ORC2: variants seen among roughly 807,000 people sequenced by gnomAD.
ORC2 encodes the protein origin recognition complex subunit 2, also known as origin recognition complex protein 2 homolog.
Under a neutral mutation model 77.7 loss-of-function variants are expected in ORC2, and 37 were observed. The ratio of observed to expected loss-of-function variants is 0.48; its 90% CI spans 0.37 to 0.63. The LOEUF is 0.63. Ranked by LOEUF, ORC2 falls within the 20% of genes least tolerant of loss-of-function variation. ORC2 has a pLI of 0.00. For synonymous variants in ORC2, 201 were observed against 229.5 expected (o/e 0.88, Z 1.12); for missense variants, 557 against 661.9 (o/e 0.84, Z 1.74).
chr2:200,963,492 C>T lies in ORC2; in HGVS notation c.-62G>A. 2.5e-6 allele frequency: 1 copy of T among 398,706 alleles called. No homozygotes were observed. The allele number at this position is 398,706 out of a possible 1,614,324, so 24.7% of individuals were successfully genotyped here. A position where few individuals can be genotyped will look rare whatever the true frequency, so the allele number is the denominator to read the frequency against. On this transcript the variant is annotated splice_region_variant and 5_prime_UTR_variant, in exon 1 of 18. Transcript: ENST00000234296. Reference sequence around the variant, plus strand: ...TGCCCCGACACCCCACTACTCACCGCTAGGTTTCCGTCTGGCGCCGATCCG... The same window carrying T: ...TGCCCCGACACCCCACTACTCACCGTTAGGTTTCCGTCTGGCGCCGATCCG...
At chr2:200,950,429 T>C (rs1416527041) in intron 4 of ORC2, among the ~76,000 whole-genome samples, 1 of 152,238 alleles carries the variant, frequency 6.6e-6, no homozygotes, top group Admixed American at 6.5e-5. Flanking sequence ...CATTCATTTC[T>C]AGTATCCTAC....
In ORC2 at chr2:200,950,176, A is replaced by T. The variant is rs2041325915; in HGVS notation, c.239-533T>A. Among the ~76,000 whole-genome samples, 4 of 152,120 alleles carry T rather than the reference A, an allele frequency of 2.6e-5. No individual in the cohort carries two copies. The South Asian group carries it at 8.3e-4, about 32-fold the overall frequency. On this transcript the variant is annotated intron_variant, in intron 4 of 17. Coordinates refer to ENST00000234296, the MANE Select transcript of ORC2 (RefSeq NM_006190.5). Reference sequence around the variant, plus strand: ...GAAACCTCGTCTCTACTGAAAATACAAAAAATTAGCCGGGCATGGGGGCAC... The same window carrying T: ...GAAACCTCGTCTCTACTGAAAATACTAAAAATTAGCCGGGCATGGGGGCAC...
intron 16 of ORC2, chr2:200,913,665 G>A: frequency 7.5e-7 from 1 of 1,329,614 alleles, no homozygotes; most frequent in African/African-American, 1.5e-5. Context: ...TGAAAAATAT[G>A]TACTTGGCAG....
chr2:200,954,271 C>A (rs535615808), intron 4 of ORC2, among the ~76,000 whole-genome samples: 92 of 152,152 alleles, frequency 6.0e-4, no homozygotes, highest in Non-Finnish European at 8.5e-4. Context: ...CGTCCTCAGG[C>A]GATCCACCCG....
At chr2:200,929,638 T>TA (rs1037471756) in intron 11 of ORC2, among the ~76,000 whole-genome samples, 30 of 151,354 alleles carry the variant, frequency 2.0e-4, no homozygotes, top group Middle Eastern at 3.4e-3. Context: ...CAATAAAAAA[T>TA]AAAAAAAATT....
intron 5 of ORC2, among the ~76,000 whole-genome samples, chr2:200,948,868 G>C (rs1004381594): frequency 5.9e-5 from 9 of 152,032 alleles, no homozygotes; most frequent in Non-Finnish European, 1.2e-4. Flanking sequence ...ACCATGCCCA[G>C]CAAAACTCTT....
At chr2:200,934,806 G>A (rs778271604) in intron 9 of ORC2, among the ~76,000 whole-genome samples, 84 of 152,104 alleles carry the variant, frequency 5.5e-4, no homozygotes, top group Non-Finnish European at 7.6e-4. Context: ...CTGATTTTGG[G>A]CAGGACTAAA....
In ORC2 at chr2:200,932,554, G is replaced by A. The variant is rs16835886; in HGVS notation, c.808-1106C>T. Among the ~76,000 whole-genome samples the A allele has an allele frequency of 9.7e-3, 1,470 of 152,074 alleles. 19 individuals carry two copies. Among genetic ancestry groups the A allele is most frequent in the African/African-American group, 0.034 (1,401 of 41,478 alleles). On this transcript the variant is annotated intron_variant, in intron 10 of 17. Transcript: ENST00000234296. ...GGGGTTTCACCATGTTGGGCAGGCCGCTCTCAAACTCCTGACCTCGTGATC... is the reference window on the plus strand; with the variant it reads ...GGGGTTTCACCATGTTGGGCAGGCCACTCTCAAACTCCTGACCTCGTGATC...
Position 200,913,946 on chromosome 2 carries a change from T to C in ORC2, c.1513A>G (p.Asn505Asp), listed in dbSNP as rs773176642. Residue 505 changes from asparagine (N) to aspartate (D), a missense_variant, in exon 16 of 18, where the codon AAC becomes GAC. Physicochemically the swap from Asn to Asp is conservative, Grantham distance 23. Coordinates refer to ENST00000234296, the MANE Select transcript of ORC2 (RefSeq NM_006190.5). The stretch of plus-strand genomic sequence containing the variant: ...TATTGGATACCAATGTAAGAAGGGT[T>C]ATCCTGGTTGTCCAGCTGGTATTTT... ...LIKYQLDNQD[N>D]PSYIGLSFQD... 2.1e-5 allele frequency: 33 copies of C among 1,590,740 alleles called. No homozygotes were observed. The East Asian group carries it at 7.4e-4, about 36-fold the overall frequency.
intron 4 of ORC2, among the ~76,000 whole-genome samples, chr2:200,950,095 G>A (rs367996716): frequency 6.6e-5 from 10 of 152,144 alleles, no homozygotes; most frequent in African/African-American, 2.2e-4. Context: ...CACTTTGGGA[G>A]GCTGAGCCAG....
At chr2:200,960,216 G>T (rs563949568) in intron 1 of ORC2, among the ~76,000 whole-genome samples, 3 of 151,934 alleles carry the variant, frequency 2.0e-5, no homozygotes, top group Non-Finnish European at 2.9e-5. Context: ...GGGCTCAAGC[G>T]ATCTACCCAC....
intron 15 of ORC2, among the ~76,000 whole-genome samples, chr2:200,918,773 G>C (rs192404729): frequency 2.0e-5 from 3 of 152,126 alleles, no homozygotes; most frequent in Admixed American, 6.5e-5. Context: ...ACAGGTGTGA[G>C]CTACCACACC....
intron 4 of ORC2, among the ~76,000 whole-genome samples, chr2:200,956,261 A>C (rs1356195184): frequency 1.3e-5 from 2 of 151,020 alleles, no homozygotes; most frequent in African/African-American, 4.9e-5. Context: ...ACAGGGTCTC[A>C]CTCTGTTGCC....
At position 200,921,125 on chromosome 2, in the gene ORC2, G is replaced by C; in HGVS notation, c.1162C>G (p.Leu388Val). 2 of 1,586,702 alleles carry C rather than the reference G, an allele frequency of 1.3e-6. No individual in the cohort carries two copies. The highest frequency in any genetic ancestry group is 1.7e-6 in the Non-Finnish European group (2 of 1,166,458). ...TCCAAATTGTGGATGAGAAGGAAGA[G>C]TTCTAAAGAAGAATCTAAAAAGAAA... ...NKFKEDSSLE[L>V]FLLIHNLDSQ... Residue 388 changes from leucine to valine, a missense_variant, in exon 14 of 18, where the codon CTC (leucine) becomes GTC (valine). By Grantham distance (32) the Leu-to-Val change is conservative. Transcript: ENST00000234296.
At chr2:200,929,450 A>T (rs9288314) in intron 11 of ORC2, among the ~76,000 whole-genome samples, 32,799 of 152,122 alleles carry the variant, frequency 0.22, 4,379 homozygotes, top group African/African-American at 0.37. Context: ...CAAACCAGTA[A>T]GAGTTGGAGA....
At position 200,920,240 on chromosome 2, in the gene ORC2, C is replaced by T; in HGVS notation, c.1448G>A (p.Ser483Asn). The change falls in exon 15 of 18, where the codon AGC becomes AAC. Residue 483 changes from serine (S) to asparagine (N), a missense_variant. Coordinates refer to ENST00000234296, the MANE Select transcript of ORC2 (RefSeq NM_006190.5). ...TCCTTACCTTGCATTAGGGGTAAGG[C>T]TTCGTAAGACATGAGTAAGGGAGCT... ...PLSSLTHVLR[S>N]LTPNARGIFR... 1 of 1,612,552 alleles carries T rather than the reference C, an allele frequency of 6.2e-7. No individual in the cohort carries two copies. The highest frequency in any genetic ancestry group is 1.1e-5 in the South Asian group (1 of 90,960).
At chr2:200,951,264 T>C (rs908547659) in intron 4 of ORC2, among the ~76,000 whole-genome samples, 5 of 152,090 alleles carry the variant, frequency 3.3e-5, no homozygotes, top group African/African-American at 1.2e-4. Context: ...CATCCATTCA[T>C]CTACTGAACG....
Position 200,942,762 on chromosome 2 carries a change from T to A in ORC2, c.344A>T (p.Lys115Ile). The A allele has an allele frequency of 6.2e-7, 1 of 1,607,610 alleles. No homozygotes were observed. The highest frequency in any genetic ancestry group is 8.5e-7 in the Non-Finnish European group (1 of 1,176,190). ...KMAKLASELA[K>I]TPQKSVSFSL... is the part of the protein sequence containing the mutation. ...GAATGAAACACTTTTTTGTGGTGTT[T>A]TTGCTAGTTCTGAAGCTGTAAACAA... The change falls in exon 6 of 18, where the codon AAA becomes ATA. Residue 115 changes from lysine to isoleucine, a missense_variant. Lys to Ile is a moderately radical substitution (Grantham distance 102). Coordinates refer to ENST00000234296, the MANE Select transcript of ORC2 (RefSeq NM_006190.5).
At position 200,913,309 on chromosome 2, in the gene ORC2, T is replaced by C. The variant is rs370669334; in HGVS notation, c.1633A>G (p.Ile545Val). The change falls in exon 17 of 18, where the codon ATA becomes GTA. Residue 545 changes from isoleucine (I) to valine (V), a missense_variant. Transcript: ENST00000234296. ...QLTEFRDHKL[I>V]RTKKGTDGVE... Reference sequence around the variant, plus strand: ...TGGAGTCTTACCTTCTTTGTTCTTATAAGCTTGTGGTCCCTAAATTCAGTT... The same window carrying C: ...TGGAGTCTTACCTTCTTTGTTCTTACAAGCTTGTGGTCCCTAAATTCAGTT... 3.8e-6 allele frequency: 6 copies of C among 1,596,314 alleles called. No homozygotes were observed. Among genetic ancestry groups the C allele is most frequent in the Admixed American group, 3.4e-5 (2 of 59,408 alleles).
Sources: allele counts gnomAD v4.1 joint callset (sites outside exome capture counted in the v4.1 genomes callset), GRCh38; gene constraint gnomAD v4.1.1; transcripts MANE v1.5; gene names NCBI Gene and HGNC (gene_info 2026-07-23, HGNC 2026-07-21).